Variants in TRANK1 observed in about 807,000 individuals in gnomAD.
The protein encoded by TRANK1 is tetratricopeptide repeat and ankyrin repeat containing 1.
A neutral mutation model predicts 266.0 loss-of-function variants in TRANK1; 198 were observed. The ratio of observed to expected loss-of-function variants is 0.74; its 90% CI spans 0.66 to 0.84. The LOEUF (loss-of-function observed/expected upper bound fraction) is 0.84, where lower values mean the gene tolerates loss of function less well. TRANK1 is among the 40% of genes least tolerant of loss of function. TRANK1 has a pLI of 0.00. For synonymous variants in TRANK1, 1,396 were observed against 1,384.1 expected, an observed-to-expected ratio of 1.01 and a Z score of -0.19; for missense variants, 3,326 against 3,634.6, an observed-to-expected ratio of 0.92 and a Z score of 2.18.
At chr3:36,841,902 CA>C (rs11456731) in intron 18 of TRANK1, among the ~76,000 whole-genome samples, 219 of 143,340 alleles carry the variant, frequency 1.5e-3, no homozygotes, top group Admixed American at 1.4e-3. Context: ...TAGATTAAAG[CA>C]AAAAAAAAAA....
rs1338458499 is a variant in TRANK1 at position 36,860,898 on chromosome 3, A to T, written c.1495+8T>A. Reference sequence around the variant, plus strand: ...AGTCTCCAACGCTTAGCATCCAGTCACTCTCACCTCCACTGTCTATCAGGC... The same window carrying T: ...AGTCTCCAACGCTTAGCATCCAGTCTCTCTCACCTCCACTGTCTATCAGGC... On this transcript the variant is annotated splice_region_variant and intron_variant, in intron 11 of 23. Transcript: ENST00000645898. 4 of 1,536,730 alleles carry T rather than the reference A, an allele frequency of 2.6e-6. No homozygotes were observed. In the East Asian group the frequency reaches 9.8e-5, roughly 38 times the overall value.
At position 36,886,138 on chromosome 3, in the gene TRANK1, T is replaced by G. The variant is rs540819581; in HGVS notation, c.907+3691A>C. On this transcript the variant is annotated intron_variant, in intron 8 of 23. Transcript: ENST00000645898. ...TTTTTTTGTTGTTGTTGTTTTTTTT[T>G]TTTTTTTTTTTTTTGAGACAAGTAC... is the stretch of plus-strand genomic sequence containing the variant. Among the ~76,000 whole-genome samples, 56 of 146,114 alleles carry G rather than the reference T, an allele frequency of 3.8e-4. No individual in the cohort carries two copies. In the East Asian group the frequency reaches 5.5e-3, roughly 14 times the overall value.
intron 7 of TRANK1, among the ~76,000 whole-genome samples, chr3:36,891,200 C>T (rs1014616420): frequency 6.6e-6 from 1 of 151,994 alleles, no homozygotes; most frequent in Admixed American, 6.6e-5. Context: ...ATTAGCCAGG[C>T]GTGGTGGCGG....
chr3:36,884,581 G>T (rs1328990161), intron 8 of TRANK1, among the ~76,000 whole-genome samples: 1 of 152,142 alleles, frequency 6.6e-6, no homozygotes, highest in Non-Finnish European at 1.5e-5. Flanking sequence ...AGTCCATACT[G>T]AAATCATTAT....
rs964236332 is a variant in TRANK1, at chr3:36,879,822, A to G, written c.908-5526T>C. On this transcript the variant is annotated intron_variant, in intron 8 of 23. Transcript: ENST00000645898. ...AATATACAAATATATGTAAATATACAAATATATGTAAATATACAAATATAT... is the reference window on the plus strand; with the variant it reads ...AATATACAAATATATGTAAATATACGAATATATGTAAATATACAAATATAT... Among the ~76,000 whole-genome samples, 4 of 114,318 alleles carry G rather than the reference A, an allele frequency of 3.5e-5. 2 individuals carry two copies. The highest frequency in any genetic ancestry group is 1.5e-4 in the African/African-American group (4 of 25,830). The allele number at this position is 114,318 out of a possible 152,430, so 75.0% of individuals were successfully genotyped here. A position where few individuals can be genotyped will look rare whatever the true frequency, so the allele number is the denominator to read the frequency against.
At chr3:36,854,250 C>G (rs4678913) in intron 13 of TRANK1, among the ~76,000 whole-genome samples, 54,278 of 151,740 alleles carry the variant, frequency 0.36, 10,110 homozygotes, top group African/African-American at 0.42. Context: ...GTCCCAGCTA[C>G]TTGGGAGGCT....
At chr3:36,846,520 G>T in intron 16 of TRANK1, 116 bp from the exon 17 acceptor site, 1 of 996,494 alleles carries the variant, frequency 1.0e-6, no homozygotes, top group Non-Finnish European at 1.5e-6. Flanking sequence ...TTTTAGAGAA[G>T]CATAGCACAG....
At chr3:36,870,813 T>G (rs2125568927) in intron 9 of TRANK1, among the ~76,000 whole-genome samples, 1 of 152,192 alleles carries the variant, frequency 6.6e-6, no homozygotes, top group Non-Finnish European at 1.5e-5. Flanking sequence ...ACACTGAGAT[T>G]CTACTGAGTC....
intron 10 of TRANK1, among the ~76,000 whole-genome samples, chr3:36,861,388 C>G (rs1260858084): frequency 5.3e-5 from 8 of 152,132 alleles, no homozygotes; most frequent in Non-Finnish European, 1.2e-4. Flanking sequence ...GCCCAGGAGA[C>G]AGAAGAATGA....
At chr3:36,835,448 T>C (rs938875222) in intron 20 of TRANK1, among the ~76,000 whole-genome samples, 2 of 151,496 alleles carry the variant, frequency 1.3e-5, no homozygotes, top group African/African-American at 4.9e-5. Flanking sequence ...CCCAGGTAGA[T>C]TAAAGATCTA....
In TRANK1 at chr3:36,833,514, A is replaced by T; in HGVS notation, c.6069T>A (p.Thr2023=). 2.5e-6 allele frequency: 4 copies of T among 1,613,896 alleles called. 1 individual carries two copies. The South Asian group carries it at 4.4e-5, about 18-fold the overall frequency. ...LREALDICYQ[T]GQLSGIAEAH... is the part of the protein sequence containing the mutation. ...CCTCCGCAATGCCAGACAACTGGCC[A>T]GTTTGATAGCAGATATCAAGTGCTT... The change falls in exon 22 of 24, where the codon ACT becomes ACA. Residue 2023 remains threonine (T), a synonymous_variant. Coordinates refer to ENST00000645898, the MANE Select transcript of TRANK1 (RefSeq NM_001329998.2).
intron 9 of TRANK1, among the ~76,000 whole-genome samples, chr3:36,866,052 AAAAGAAAGAAAG>A (rs56714482): frequency 0.019 from 2,480 of 127,850 alleles, 34 homozygotes; most frequent in East Asian, 0.036. Context: ...GACAGAAAGA[AAAAGAAAGAAAG>A]AAAGAAAGAA....
intron 5 of TRANK1, among the ~76,000 whole-genome samples, chr3:36,895,232 G>A (rs2079771481): frequency 6.6e-6 from 1 of 152,088 alleles, no homozygotes; most frequent in Non-Finnish European, 1.5e-5. Flanking sequence ...ACCTCACTTA[G>A]CCACTACCCA....
At chr3:36,852,423 G>T in intron 13 of TRANK1, 78 bp from the exon 14 acceptor site, 1 of 1,351,582 alleles carries the variant, frequency 7.4e-7, no homozygotes, top group Non-Finnish European at 9.9e-7. Flanking sequence ...TGGGGGACAT[G>T]TTTTTCCTGA....
intron 8 of TRANK1, 22 bp downstream of exon 8, chr3:36,889,807 T>C: frequency 1.3e-6 from 2 of 1,524,532 alleles, no homozygotes; most frequent in Non-Finnish European, 1.8e-6. Flanking sequence ...CAGCGCACCC[T>C]CTGGGTAATG....
At chr3:36,921,069 G>T (rs925026788) in intron 1 of TRANK1, among the ~76,000 whole-genome samples, 2 of 152,074 alleles carry the variant, frequency 1.3e-5, no homozygotes, top group African/African-American at 2.4e-5. Context: ...ACTCATCCTG[G>T]TTACCTGCTT....
chr3:36,936,587 C>T (rs965179135), intron 1 of TRANK1, among the ~76,000 whole-genome samples: 1 of 151,954 alleles, frequency 6.6e-6, no homozygotes, highest in African/African-American at 2.4e-5. Flanking sequence ...GTACCAACTA[C>T]GCCCCAATAA....
At chr3:36,909,022 G>A (rs910157452) in intron 1 of TRANK1, among the ~76,000 whole-genome samples, 2 of 152,110 alleles carry the variant, frequency 1.3e-5, no homozygotes, top group Non-Finnish European at 1.5e-5. Flanking sequence ...GAACAGGGAG[G>A]GCAGGTGAAG....
chr3:36,899,105 T>G lies in TRANK1; in HGVS notation c.433+4A>C. 1.3e-6 allele frequency: 2 copies of G among 1,537,132 alleles called. No individual in the cohort carries two copies. The highest frequency in any genetic ancestry group is 1.7e-6 in the Non-Finnish European group (2 of 1,146,884). ...TACAAAAAGTCTCCCCAGTTCCAAC[T>G]TACTGCTCATAGTGGTGAAGACTCC... On this transcript the variant is annotated splice_donor_region_variant and intron_variant, in intron 4 of 23. Transcript: ENST00000645898.
Sources: gnomAD v4.1 joint callset for allele counts (sites outside exome capture counted in the v4.1 genomes callset) on GRCh38, gnomAD v4.1.1 for gene constraint, MANE v1.5 for transcripts, NCBI Gene and HGNC (gene_info 2026-07-23, HGNC 2026-07-21) for gene names.